The following RBPMS variants were observed in gnomAD, a reference collection of about 807,000 sequenced individuals.
RBPMS encodes RNA-binding protein with multiple splicing.
In RBPMS, 7 loss-of-function variants were observed where a neutral mutation model predicts 26.8. That is an observed-to-expected ratio of 0.26 (90% CI 0.15 to 0.49). The LOEUF is 0.49. RBPMS is among the 20% of genes least tolerant of loss of function. RBPMS has a pLI of 0.98. For missense variants in RBPMS, 186 were observed against 250.0 expected, an observed-to-expected ratio of 0.74 and a Z score of 1.73; for synonymous variants, 96 against 93.3, an observed-to-expected ratio of 1.03 and a Z score of -0.17.
chr8:30,488,823 A>T (rs1819068461), intron 4 of RBPMS, among the ~76,000 whole-genome samples: 1 of 152,218 alleles, frequency 6.6e-6, no homozygotes, highest in East Asian at 1.9e-4. Flanking sequence ...AAGGTACTAA[A>T]TTTGTTAATT....
intron 4 of RBPMS, among the ~76,000 whole-genome samples, chr8:30,486,318 TGACAGAGCGA>T (rs1403864626): frequency 9.3e-5 from 14 of 151,282 alleles, no homozygotes; most frequent in Non-Finnish European, 2.1e-4. Flanking sequence ...CCAGCCTGGA[TGACAGAGCGA>T]GACTCCATCT....
At position 30,554,100 on chromosome 8, in the gene RBPMS, G is replaced by T. The variant is rs16877161; in HGVS notation, c.529-4787G>T. Among the ~76,000 whole-genome samples the T allele has an allele frequency of 6.1e-3, 924 of 152,322 alleles. 8 individuals are homozygous for T. Among genetic ancestry groups the T allele is most frequent in the African/African-American group, 0.021 (868 of 41,562 alleles). ...CCAAGCTACTGTTATTAACTATTTT[G>T]TTCAAAGAGGGATAGCTGACTTCTG... is the stretch of plus-strand genomic sequence containing the variant. On this transcript the variant is annotated intron_variant, in intron 6 of 8. Transcript: ENST00000397323.
intron 5 of RBPMS, among the ~76,000 whole-genome samples, chr8:30,506,084 T>G (rs147436059): frequency 6.6e-6 from 1 of 152,146 alleles, no homozygotes; most frequent in Non-Finnish European, 1.5e-5. Flanking sequence ...ACAACAGCCC[T>G]GTGAAATAGG....
intron 1 of RBPMS, among the ~76,000 whole-genome samples, chr8:30,471,753 A>G (rs1302168719): frequency 1.3e-5 from 2 of 152,178 alleles, no homozygotes; most frequent in African/African-American, 4.8e-5. Context: ...GGATTTCCTC[A>G]CTGTTTGTAT....
intron 4 of RBPMS, among the ~76,000 whole-genome samples, chr8:30,500,544 C>G (rs1193099142): frequency 1.3e-5 from 2 of 152,124 alleles, no homozygotes; most frequent in Non-Finnish European, 2.9e-5. Flanking sequence ...AATTGAAGTA[C>G]TCTGTTTATT....
At chr8:30,428,719 A>G (rs911363399) in intron 1 of RBPMS, among the ~76,000 whole-genome samples, 3 of 152,166 alleles carry the variant, frequency 2.0e-5, no homozygotes, top group Non-Finnish European at 4.4e-5. Context: ...TTATAAAGTT[A>G]ACTGGCATCT....
chr8:30,420,885 G>A (rs1810699738), intron 1 of RBPMS, among the ~76,000 whole-genome samples: 1 of 152,140 alleles, frequency 6.6e-6, no homozygotes, highest in Non-Finnish European at 1.5e-5. Context: ...AAGAGAGTCC[G>A]GGGTCTATCT....
intron 5 of RBPMS, among the ~76,000 whole-genome samples, chr8:30,522,824 T>C (rs1195851660): frequency 1.3e-5 from 2 of 152,214 alleles, no homozygotes; most frequent in Non-Finnish European, 2.9e-5. Flanking sequence ...TTTAGTAGTT[T>C]ATTAATAAAG....
At chr8:30,495,568 A>G (rs1819860261) in intron 4 of RBPMS, among the ~76,000 whole-genome samples, 1 of 152,200 alleles carries the variant, frequency 6.6e-6, no homozygotes. Flanking sequence ...GTATTAAATC[A>G]GATTATTCTA....
chr8:30,434,811 C>T (rs1812283640), intron 1 of RBPMS, among the ~76,000 whole-genome samples: 1 of 150,944 alleles, frequency 6.6e-6, no homozygotes, highest in African/African-American at 2.5e-5. Flanking sequence ...ATTTAGTTCT[C>T]AAGAATAGTT....
At position 30,509,014 on chromosome 8, in the gene RBPMS, T is replaced by G. The variant is rs1821323772; in HGVS notation, c.397+4578T>G. 6.6e-5 allele frequency among the ~76,000 whole-genome samples: 10 copies of G among 152,188 alleles called. No individual in the cohort carries two copies. In the South Asian group the frequency reaches 2.1e-3, roughly 31 times the overall value. Reference sequence around the variant, plus strand: ...CTCCAGAACTCTGCAGTAATGAAGATTCCTGTACTCCAGCTCCAAGGAGTC... The same window carrying G: ...CTCCAGAACTCTGCAGTAATGAAGAGTCCTGTACTCCAGCTCCAAGGAGTC... On this transcript the variant is annotated intron_variant, in intron 5 of 8. Transcript: ENST00000397323.
chr8:30,504,411 A>G lies in RBPMS; in HGVS notation c.372A>G (p.Val124=). 1 of 1,614,118 alleles carries G rather than the reference A, an allele frequency of 6.2e-7. No individual in the cohort carries two copies. Among genetic ancestry groups the G allele is most frequent in the Non-Finnish European group, 8.5e-7 (1 of 1,179,972 alleles). ...PNPSTPLPNT[V]PQFIAREPYE... Reference sequence around the variant, plus strand: ...CCAGTACTCCTCTGCCCAACACTGTACCTCAGTTCATTGCCAGAGAGCCAT... The same window carrying G: ...CCAGTACTCCTCTGCCCAACACTGTGCCTCAGTTCATTGCCAGAGAGCCAT... The change falls in exon 5 of 9, where the codon GTA becomes GTG. Residue 124 remains valine (V), a synonymous_variant. Coordinates refer to ENST00000397323, the MANE Select transcript of RBPMS (RefSeq NM_001008710.3).
chr8:30,472,593 A>G (rs17551512), intron 1 of RBPMS, among the ~76,000 whole-genome samples: 29,822 of 152,234 alleles, frequency 0.2, 3,291 homozygotes, highest in South Asian at 0.39. Context: ...ACCTCAATAA[A>G]GCTGTTTATA....
rs143972231 is a variant in RBPMS, at chr8:30,509,665, G to A, written c.397+5229G>A. Among the ~76,000 whole-genome samples, 4 of 152,298 alleles carry A rather than the reference G, an allele frequency of 2.6e-5. No individual in the cohort carries two copies. The East Asian group carries it at 7.7e-4, about 29-fold the overall frequency. Reference sequence around the variant, plus strand: ...CATGGCATGCACAATTAGAAAGATTGGCAGATGTCTTGTCAGTTTCACGCC... The same window carrying A: ...CATGGCATGCACAATTAGAAAGATTAGCAGATGTCTTGTCAGTTTCACGCC... On this transcript the variant is annotated intron_variant, in intron 5 of 8. Transcript: ENST00000397323.
At chr8:30,528,723 T>A (rs1365423436) in intron 5 of RBPMS, among the ~76,000 whole-genome samples, 2 of 152,242 alleles carry the variant, frequency 1.3e-5, no homozygotes, top group Middle Eastern at 3.2e-3. Context: ...CAGAGTTTTT[T>A]AAATGTGCCC....
At chr8:30,530,428 G>A (rs532231068) in intron 5 of RBPMS, among the ~76,000 whole-genome samples, 4 of 152,200 alleles carry the variant, frequency 2.6e-5, no homozygotes, top group South Asian at 2.1e-4. Context: ...ACAACAACAC[G>A]GTTGAATATG....
Position 30,453,697 on chromosome 8 carries a change from C to T in RBPMS, c.67-21082C>T, listed in dbSNP as rs559622613. On this transcript the variant is annotated intron_variant, in intron 1 of 8. Coordinates refer to ENST00000397323, the MANE Select transcript of RBPMS (RefSeq NM_001008710.3). ...TCTCTGCCTGTGTGAGATTCACTCA[C>T]GGCCTGATTCAAAGGCCTCTGCTCC... The T allele has an allele frequency of 4.6e-5, 7 of 152,248 alleles. No homozygotes were observed. The South Asian group carries it at 1.0e-3, about 23-fold the overall frequency. 9.4% of individuals were successfully genotyped at this position (152,248 alleles called of 1,614,324 possible).
At chr8:30,482,454 T>C (rs1424047974) in intron 4 of RBPMS, among the ~76,000 whole-genome samples, 2 of 152,244 alleles carry the variant, frequency 1.3e-5, no homozygotes, top group African/African-American at 4.8e-5. Context: ...GATTGCTATC[T>C]GGTTCAGTTG....
intron 1 of RBPMS, among the ~76,000 whole-genome samples, chr8:30,465,137 A>G (rs766197950): frequency 1.3e-5 from 2 of 152,228 alleles, no homozygotes; most frequent in Non-Finnish European, 2.9e-5. Flanking sequence ...TGCCTTTATA[A>G]GGAACTTCTT....
Sources: gnomAD v4.1 joint callset for allele counts (sites outside exome capture counted in the v4.1 genomes callset) on GRCh38, gnomAD v4.1.1 for gene constraint, MANE v1.5 for transcripts, NCBI Gene and HGNC (gene_info 2026-07-23, HGNC 2026-07-21) for gene names.